Variants in ERMP1 observed in about 807,000 individuals in gnomAD.
ERMP1 encodes the protein endoplasmic reticulum metallopeptidase 1.
Under a neutral mutation model 92.0 loss-of-function variants are expected in ERMP1, and 86 were observed. That is an observed-to-expected ratio of 0.93 (90% CI 0.79 to 1.12). The LOEUF (loss-of-function observed/expected upper bound fraction) is 1.12, where lower values mean the gene tolerates loss of function less well. Ranked by LOEUF, ERMP1 falls within the 50% of genes most tolerant of loss-of-function variation. ERMP1 has a pLI of 0.00. For missense variants in ERMP1, 1,342 were observed against 1,116.3 expected, an observed-to-expected ratio of 1.20 and a Z score of -2.88; for synonymous variants, 530 against 412.8, an observed-to-expected ratio of 1.28 and a Z score of -3.44.
In ERMP1 at chr9:5,805,089, G is replaced by T; in HGVS notation, c.1852C>A (p.Pro618Thr). Residue 618 changes from proline (P) to threonine (T), a missense_variant, in exon 10 of 15, where the codon CCA (proline) becomes ACA (threonine). Transcript: ENST00000339450. Reference protein sequence around the residue: ...PILGRSGSEIPPDVVLASILA... With the variant: ...PILGRSGSEITPDVVLASILA... ...ATGGATGCCAGCACAACATCAGGTG[G>T]GATTTCAGAACCACTTCTCCCGAGG... The T allele has an allele frequency of 6.2e-7, 1 of 1,613,176 alleles. No individual in the cohort carries two copies. Among genetic ancestry groups the T allele is most frequent in the East Asian group, 2.2e-5 (1 of 44,858 alleles).
intron 3 of ERMP1, among the ~76,000 whole-genome samples, chr9:5,824,471 C>T (rs183364274): frequency 1.1e-3 from 165 of 152,230 alleles, no homozygotes; most frequent in African/African-American, 3.6e-3. Context: ...GGCTCGATCT[C>T]GGATCACCGC....
chr9:5,841,560 G>T (rs1830163725), intron 6 of ERMP1, among the ~76,000 whole-genome samples: 1 of 152,186 alleles, frequency 6.6e-6, no homozygotes, highest in Non-Finnish European at 1.5e-5. Flanking sequence ...CACTTTGGGA[G>T]GCTGAGGCCA....
At chr9:5,804,711 C>CA (rs559979047) in intron 10 of ERMP1, among the ~76,000 whole-genome samples, 78 of 152,262 alleles carry the variant, frequency 5.1e-4, no homozygotes, top group Admixed American at 2.2e-3. Context: ...CACCACCAGG[C>CA]AATCTCTAAC....
chr9:5,819,826 CTA>C (rs1184635454), intron 4 of ERMP1, among the ~76,000 whole-genome samples: 1 of 152,040 alleles, frequency 6.6e-6, no homozygotes, highest in East Asian at 1.9e-4. Flanking sequence ...GCAGGAAAAT[CTA>C]TAGAGACACA....
intron 8 of ERMP1, among the ~76,000 whole-genome samples, chr9:5,808,432 A>G (rs377369336): frequency 3.0e-4 from 45 of 152,356 alleles, no homozygotes; most frequent in African/African-American, 1.1e-3. Flanking sequence ...CTCAACCATA[A>G]GCAGACGGCT....
At chr9:5,860,634 T>TG (rs139961611) in intron 5 of ERMP1, among the ~76,000 whole-genome samples, 82,810 of 148,064 alleles carry the variant, frequency 0.56, 24,065 homozygotes, top group South Asian at 0.69. Flanking sequence ...TTTGTAGAGA[T>TG]CGGGGGGTCT....
chr9:5,832,360 G>T, intron 1 of ERMP1: 1 of 302,992 alleles, frequency 3.3e-6, no homozygotes, highest in Non-Finnish European at 6.1e-6. Context: ...GGCTAAGCAA[G>T]GTAAAAAGGG....
At chr9:5,794,813 T>C (rs1278081253) in intron 13 of ERMP1, among the ~76,000 whole-genome samples, 2 of 152,174 alleles carry the variant, frequency 1.3e-5, no homozygotes, top group African/African-American at 4.8e-5. Flanking sequence ...AGGTGAATTC[T>C]ACCAAACATT....
At chr9:5,834,980 T>G (rs905413860), upstream of ERMP1, among the ~76,000 whole-genome samples, 8 of 10,468 alleles carry the variant, frequency 7.6e-4, no homozygotes, top group East Asian at 6.6e-3. Flanking sequence ...TAGATAGATG[T>G]GTGTGTGTGT....
In ERMP1 at chr9:5,805,211, T is replaced by G. The variant is rs777829058; in HGVS notation, c.1730A>C (p.Gln577Pro). The G allele has an allele frequency of 1.9e-6, 3 of 1,603,926 alleles. No individual in the cohort carries two copies. The highest frequency in any genetic ancestry group is 1.1e-5 in the South Asian group (1 of 89,240). ...AAGGTAAAAAGCAATAAATTTTCCT[T>G]GGGCACCTAGGGAAAAAGAGAAAAA... is the stretch of plus-strand genomic sequence containing the variant. ...VHKDFKQHGA[Q>P]GKFIAFYLLG... The change falls in exon 10 of 15, where the codon CAA becomes CCA. Residue 577 changes from glutamine to proline, a missense_variant. Transcript: ENST00000339450.
chr9:5,790,859 G>A (rs1050225569), intron 13 of ERMP1, among the ~76,000 whole-genome samples: 1 of 152,150 alleles, frequency 6.6e-6, no homozygotes, highest in South Asian at 2.1e-4. Context: ...CATCAATTGA[G>A]CTTTGTGGGG....
At chr9:5,811,681 A>G (rs142375396) in intron 6 of ERMP1, among the ~76,000 whole-genome samples, 1 of 152,292 alleles carries the variant, frequency 6.6e-6, no homozygotes, top group African/African-American at 2.4e-5. Flanking sequence ...GTACCCATTC[A>G]TTTAATAATA....
chr9:5,808,984 G>T (rs745584041), intron 8 of ERMP1, among the ~76,000 whole-genome samples: 16 of 152,100 alleles, frequency 1.1e-4, no homozygotes, highest in Non-Finnish European at 2.2e-4. Context: ...CTCCCAAAGT[G>T]TTGGGATTAC....
chr9:5,818,899 C>A (rs772836229), intron 4 of ERMP1, among the ~76,000 whole-genome samples: 2 of 152,186 alleles, frequency 1.3e-5, no homozygotes, highest in Non-Finnish European at 2.9e-5. Flanking sequence ...ACTGCTTATA[C>A]TCATCAGCAC....
At chr9:5,832,025 G>C (rs1333066695) in intron 1 of ERMP1, among the ~76,000 whole-genome samples, 1 of 151,290 alleles carries the variant, frequency 6.6e-6, no homozygotes, top group Non-Finnish European at 1.5e-5. Flanking sequence ...CATGAGCTTT[G>C]ACACACCTGG....
intron 6 of ERMP1, among the ~76,000 whole-genome samples, chr9:5,847,334 G>C (rs940227098): frequency 2.0e-5 from 3 of 152,020 alleles, no homozygotes; most frequent in African/African-American, 7.2e-5. Context: ...TGCCTCCTGG[G>C]CTCAAACGAT....
Position 5,849,249 on chromosome 9 carries a change from T to C in ERMP1, n.3199+10219A>G, listed in dbSNP as rs566676948. Among the ~76,000 whole-genome samples the C allele has an allele frequency of 2.0e-5, 3 of 152,274 alleles. No individual in the cohort carries two copies. In the East Asian group the frequency reaches 5.8e-4, roughly 29 times the overall value. On this transcript the variant is annotated intron_variant and non_coding_transcript_variant, in intron 6 of 6. Coordinates refer to the ERMP1 transcript ENST00000690753. ...TGTTGGCCAGGAGGGTCTCAATCTC[T>C]TGACCTCGTGATCTGCCCAACTTGG...
At chr9:5,793,171 G>A (rs1828275440) in intron 13 of ERMP1, among the ~76,000 whole-genome samples, 1 of 151,924 alleles carries the variant, frequency 6.6e-6, no homozygotes, top group African/African-American at 2.4e-5. Flanking sequence ...TTGTTATTAA[G>A]TTATTCATAA....
At chr9:5,820,018 G>A (rs913809499) in intron 4 of ERMP1, among the ~76,000 whole-genome samples, 16 of 152,248 alleles carry the variant, frequency 1.1e-4, no homozygotes, top group African/African-American at 3.6e-4. Flanking sequence ...GAAGGCTACA[G>A]GCCGGGCGTG....
Sources: gnomAD v4.1 joint callset for allele counts (sites outside exome capture counted in the v4.1 genomes callset) on GRCh38, gnomAD v4.1.1 for gene constraint, MANE v1.5 for transcripts, NCBI Gene and HGNC (gene_info 2026-07-23, HGNC 2026-07-21) for gene names.